Variants in ZNF185 observed in about 807,000 individuals in gnomAD.
ZNF185 encodes the protein zinc finger protein 185 with LIM domain.
In ZNF185, 56 loss-of-function variants were observed where a neutral mutation model predicts 58.6. The observed-to-expected ratio is 0.95, with a 90% CI of 0.77 to 1.19. ZNF185 has a LOEUF of 1.19. Among genes scored for constraint, ZNF185 ranks in the 50% most tolerant of loss-of-function variants. The pLI is 0.00. For synonymous variants in ZNF185, 230 were observed against 215.9 expected (o/e 1.07, Z -0.57); for missense variants, 627 against 573.5 (o/e 1.09, Z -0.95).
chrX:152,968,506 G>C (rs1556916380), intron 20 of ZNF185, among the ~76,000 whole-genome samples: 2 of 112,601 alleles, frequency 1.8e-5, no homozygotes, highest in African/African-American at 6.5e-5. Context: ...TGGTGCTGCT[G>C]GTGGTGAAAG....
chrX:152,938,173 G>A lies in ZNF185; in HGVS notation c.1211+10G>A. 1 of 1,173,758 alleles carries A rather than the reference G, an allele frequency of 8.5e-7. No individual in the cohort carries two copies. Among genetic ancestry groups the A allele is most frequent in the Non-Finnish European group, 1.1e-6 (1 of 875,093 alleles). ...AGGCAGACCCAAAGGGGTAAGGCAT[G>A]AGCAGACAGTGCTGAACTTCTGGGG... On this transcript the variant is annotated intron_variant, in intron 15 of 22. Transcript: ENST00000449285.
the ZNF185 span, among the ~76,000 whole-genome samples, chrX:152,905,212 G>A: frequency 2.7e-5 from 3 of 112,812 alleles, no homozygotes; most frequent in African/African-American, 9.7e-5. Flanking sequence ...AACATGTCAT[G>A]CCCCTACTAC....
chrX:152,906,362 T>C, the ZNF185 span, among the ~76,000 whole-genome samples: 1 of 113,324 alleles, frequency 8.8e-6, no homozygotes, highest in African/African-American at 3.2e-5. Flanking sequence ...AGCTATATTC[T>C]GGGCCTCTGC....
chrX:152,957,688 C>A (rs782078771), intron 16 of ZNF185, among the ~76,000 whole-genome samples: 4 of 112,347 alleles, frequency 3.6e-5, no homozygotes, highest in African/African-American at 1.3e-4. Context: ...TGTCACTGAC[C>A]AGCTTGCTGG....
the ZNF185 span, among the ~76,000 whole-genome samples, chrX:152,899,712 G>A: frequency 8.9e-6 from 1 of 111,859 alleles, no homozygotes; most frequent in African/African-American, 3.3e-5. Context: ...AAACATTAGG[G>A]GTTCCTCAGT....
At chrX:152,914,391 T>C (rs184330800), upstream of ZNF185, 586 of 823,967 alleles carry the variant, frequency 7.1e-4, 6 homozygotes, top group African/African-American at 0.01. Flanking sequence ...TATGGTCACC[T>C]GCAAGACACT....
chrX:152,958,238 A>G (rs2049053007), intron 16 of ZNF185, among the ~76,000 whole-genome samples: 1 of 111,539 alleles, frequency 9.0e-6, no homozygotes, highest in African/African-American at 3.3e-5. Context: ...AAGGAAGGAA[A>G]AGGTGACAAG....
chrX:152,941,899 AGCGCGGTCCC>A, intron 15 of ZNF185: 10 of 1,069,986 alleles, frequency 9.3e-6, no homozygotes, highest in Non-Finnish European at 1.2e-5. Context: ...GGCGGGAGGA[AGCGCGGTCCC>A]GCGAGGGGCC....
chrX:152,927,384 G>A (rs1196411629), intron 11 of ZNF185, among the ~76,000 whole-genome samples: 2 of 111,134 alleles, frequency 1.8e-5, no homozygotes, highest in Non-Finnish European at 3.8e-5. Flanking sequence ...GGGTGGAAGT[G>A]GAGGGACAGA....
At chrX:152,898,121 C>CCCCGCGCCCCGCGT in the ZNF185 span, among the ~76,000 whole-genome samples, 33 of 109,230 alleles carry the variant, frequency 3.0e-4, no homozygotes, top group African/African-American at 1.1e-3. Context: ...GCGCCCCGCG[C>CCCCGCGCCCCGCGT]CCCGCGCCTG....
At chrX:152,927,509 A>T (rs1181036948) in intron 11 of ZNF185, among the ~76,000 whole-genome samples, 1 of 110,831 alleles carries the variant, frequency 9.0e-6, no homozygotes, top group Admixed American at 9.5e-5. Flanking sequence ...TGCCAGTCTG[A>T]ACCTATAAAC....
At chrX:152,949,425 CT>C (rs1273144967) in intron 16 of ZNF185, among the ~76,000 whole-genome samples, 3 of 112,468 alleles carry the variant, frequency 2.7e-5, no homozygotes. Flanking sequence ...GACAAATCCC[CT>C]TTCCGGGCCC....
At chrX:152,912,319 G>A (rs188291237), upstream of ZNF185, among the ~76,000 whole-genome samples, 608 of 112,410 alleles carry the variant, frequency 5.4e-3, 4 homozygotes, top group African/African-American at 0.018. Context: ...CTCTGCAGGG[G>A]ACGGATGGTG....
At chrX:152,919,302 G>A (rs1939206267) in intron 7 of ZNF185, among the ~76,000 whole-genome samples, 1 of 105,567 alleles carries the variant, frequency 9.5e-6, no homozygotes, top group Non-Finnish European at 2.0e-5. Flanking sequence ...CCTTCTGTGG[G>A]GTAGAACCTA....
chrX:152,939,282 T>A (rs1556886396), intron 15 of ZNF185, among the ~76,000 whole-genome samples: 1 of 111,836 alleles, frequency 8.9e-6, no homozygotes, highest in Non-Finnish European at 1.9e-5. Flanking sequence ...TCATTCGAAT[T>A]GCACTGACAA....
At chrX:152,909,022 T>C in the ZNF185 span, among the ~76,000 whole-genome samples, 1,315 of 113,158 alleles carry the variant, frequency 0.012, 18 homozygotes, top group African/African-American at 0.038. Flanking sequence ...CCCAGGCCAC[T>C]GTCCCAGTGG....
chrX:152,936,495 C>G (rs1052677052), intron 14 of ZNF185: 3 of 1,165,020 alleles, frequency 2.6e-6, no homozygotes, highest in East Asian at 3.3e-5. Flanking sequence ...TCCTGCAAGC[C>G]TAGACCAGCA....
chrX:152,944,944 A>T (rs1480747589), intron 15 of ZNF185, among the ~76,000 whole-genome samples: 1 of 112,908 alleles, frequency 8.9e-6, no homozygotes, highest in Non-Finnish European at 1.9e-5. Flanking sequence ...CAGTGAGCCG[A>T]GATGATGCCA....
chrX:152,918,106 G>A (rs782452645), exon 6 of ZNF185: 4 of 1,194,548 alleles, frequency 3.3e-6, no homozygotes, highest in East Asian at 6.1e-5. Context: ...GGTCCTCCCC[G>A]CCCCTCCTCC....
Sources: gnomAD v4.1 joint callset for allele counts (sites outside exome capture counted in the v4.1 genomes callset) on GRCh38, gnomAD v4.1.1 for gene constraint, MANE v1.5 for transcripts, NCBI Gene and HGNC (gene_info 2026-07-23, HGNC 2026-07-21) for gene names.